The following ANAPC2 variants were observed in gnomAD, a reference collection of about 807,000 sequenced individuals.
The protein encoded by ANAPC2 is anaphase-promoting complex subunit 2.
ANAPC2 carries 29 observed loss-of-function variants against 84.3 expected under a neutral mutation model. That is an observed-to-expected ratio of 0.34 (90% CI 0.26 to 0.47). The LOEUF is 0.47. Ranked by LOEUF, ANAPC2 falls within the 20% of genes least tolerant of loss-of-function variation. The probability of loss-of-function intolerance (pLI) is 1.00; values close to 1 mark genes in which losing one functional copy is unlikely to be tolerated. For synonymous variants in ANAPC2, 571 were observed against 479.4 expected (o/e 1.19, Z -2.50); for missense variants, 857 against 1,131.7 (o/e 0.76, Z 3.48).
intron 10 of ANAPC2, among the ~76,000 whole-genome samples, chr9:137,177,627 G>A (rs993813572): frequency 6.6e-6 from 1 of 152,188 alleles, no homozygotes; most frequent in Admixed American, 6.5e-5. Context: ...GGGGACACTG[G>A]GGCTGTCACT....
intron 3 of ANAPC2, 103 bp downstream of exon 3, chr9:137,186,121 C>A (rs1040796692): frequency 6.6e-7 from 1 of 1,524,056 alleles, no homozygotes; most frequent in Non-Finnish European, 8.9e-7. Context: ...CTGGGCCCAC[C>A]CAGGCCTCCG....
intron 1 of ANAPC2, 78 bp from the exon 2 acceptor site, chr9:137,188,181 G>A (rs939203927): frequency 8.5e-6 from 13 of 1,525,020 alleles, no homozygotes; most frequent in South Asian, 2.5e-5. Flanking sequence ...GAAGCTGAGG[G>A]GGAGGCTGCA....
chr9:137,180,120 G>C, intron 10 of ANAPC2, 61 bp downstream of exon 10: 1 of 1,537,920 alleles, frequency 6.5e-7, no homozygotes, highest in South Asian at 1.2e-5. Context: ...AGGCTGCTGG[G>C]AGCCCCGCAG....
In ANAPC2 at chr9:137,174,820, G is replaced by A; in HGVS notation, c.*122C>T. 1 of 1,436,338 alleles carries A rather than the reference G, an allele frequency of 7.0e-7. No homozygotes were observed. Among genetic ancestry groups the A allele is most frequent in the Non-Finnish European group, 9.1e-7 (1 of 1,095,294 alleles). The allele number at this position is 1,436,338 out of a possible 1,614,324, so 89.0% of individuals were successfully genotyped here. A position where few individuals can be genotyped will look rare whatever the true frequency, so the allele number is the denominator to read the frequency against. ...TTGCTTTAATCTGCACACTGCGGGG[G>A]TGGGGGTGGGCATGCTCCTCAGCAG... On this transcript the variant is annotated 3_prime_UTR_variant, in exon 13 of 13. Coordinates refer to ENST00000323927, the MANE Select transcript of ANAPC2 (RefSeq NM_013366.4). This position sits in a 1 kb window ranked among gnomAD's most constrained non-coding sequence, Gnocchi z 6.1.
intron 10 of ANAPC2, 25 bp from the exon 11 acceptor site, chr9:137,175,862 G>A (rs1263271512): frequency 6.3e-7 from 1 of 1,583,200 alleles, no homozygotes. Context: ...GGTCAGCACG[G>A]GCAGCTCGGC....
chr9:137,186,575 G>A (rs1228259462), intron 2 of ANAPC2: 1 of 611,036 alleles, frequency 1.6e-6, no homozygotes, highest in Non-Finnish European at 2.7e-6. Context: ...AGGCTCTGCT[G>A]TCCCCGCCCA....
chr9:137,175,490 G>A lies in ANAPC2; in HGVS notation c.2021-18C>T, dbSNP rs761870914. On this transcript the variant is annotated intron_variant, in intron 11 of 12. Coordinates refer to ENST00000323927, the MANE Select transcript of ANAPC2 (RefSeq NM_013366.4). ...CCAGCTGGCTGCGTGCAGAGTCACC[G>A]GGACGCTGGGCAGCCTGGGCACGGG... The A allele has an allele frequency of 2.0e-5, 30 of 1,537,996 alleles. No individual in the cohort carries two copies. The highest frequency in any genetic ancestry group is 2.7e-5 in the African/African-American group (2 of 73,126).
intron 10 of ANAPC2, among the ~76,000 whole-genome samples, chr9:137,179,050 G>A (rs1425170285): frequency 6.6e-6 from 1 of 152,108 alleles, no homozygotes. Flanking sequence ...AGAAGCTGTG[G>A]ACCCTCCCTT....
chr9:137,182,237 G>T (rs1834358584), intron 6 of ANAPC2, among the ~76,000 whole-genome samples: 1 of 152,180 alleles, frequency 6.6e-6, no homozygotes, highest in Non-Finnish European at 1.5e-5. Flanking sequence ...AAAGGGCCGG[G>T]CACGGTGGCT....
chr9:137,178,755 C>T (rs1260428100), intron 10 of ANAPC2, among the ~76,000 whole-genome samples: 1 of 151,788 alleles, frequency 6.6e-6, no homozygotes, highest in Non-Finnish European at 1.5e-5. Flanking sequence ...CTGGACTCTT[C>T]CAGAGCCAAG....
intron 7 of ANAPC2, 72 bp downstream of exon 7, chr9:137,181,609 T>C (rs1834344962): frequency 7.1e-7 from 1 of 1,413,758 alleles, no homozygotes; most frequent in South Asian, 1.5e-5. Context: ...TGACAAGGGA[T>C]GAGTCCAGAG....
At chr9:137,187,068 TCA>T in intron 2 of ANAPC2, 1 of 196,772 alleles carries the variant, frequency 5.1e-6, no homozygotes, top group South Asian at 1.1e-4. Context: ...CTGCTTGCCC[TCA>T]CAGTGACCTG....
chr9:137,183,934 TCCC>T (rs1292201799), intron 4 of ANAPC2, 143 bp from the exon 5 acceptor site: 14 of 1,115,748 alleles, frequency 1.3e-5, no homozygotes, highest in South Asian at 3.0e-5. Context: ...GCACCAGACA[TCCC>T]CCCGACACTC....
At chr9:137,186,138 G>A in intron 3 of ANAPC2, 86 bp downstream of exon 3, 10 of 1,564,268 alleles carry the variant, frequency 6.4e-6, no homozygotes, top group South Asian at 3.5e-5. Context: ...TCCGTGCTCT[G>A]GATGCTTCTG....
intron 3 of ANAPC2, 96 bp from the exon 4 acceptor site, chr9:137,185,183 G>C (rs1051844227): frequency 1.3e-5 from 18 of 1,342,492 alleles, no homozygotes; most frequent in Non-Finnish European, 1.8e-5. Flanking sequence ...CCACCCTGTC[G>C]GCCGGGACCG....
chr9:137,182,725 G>A (rs1391771025), intron 6 of ANAPC2, among the ~76,000 whole-genome samples: 4 of 152,132 alleles, frequency 2.6e-5, no homozygotes, highest in South Asian at 2.1e-4. Context: ...ATTCTCCACC[G>A]AACAGCCCCA....
chr9:137,183,868 T>C, intron 4 of ANAPC2, 77 bp from the exon 5 acceptor site: 1 of 1,567,206 alleles, frequency 6.4e-7, no homozygotes, highest in Non-Finnish European at 8.7e-7. Context: ...GTGTGTGCGG[T>C]GTGGGAAAGG....
intron 10 of ANAPC2, 42 bp from the exon 11 acceptor site, chr9:137,175,879 G>A: frequency 1.3e-6 from 2 of 1,560,762 alleles, no homozygotes; most frequent in South Asian, 1.2e-5. Context: ...CGGCTGCAGG[G>A]CGCTCAGGCC....
intron 6 of ANAPC2, 98 bp from the exon 7 acceptor site, chr9:137,181,960 C>G: frequency 1.5e-6 from 2 of 1,324,926 alleles, no homozygotes; most frequent in South Asian, 1.4e-5. Context: ...CCAGCACCAC[C>G]GACCCTGCCT....
Sources: allele counts gnomAD v4.1 joint callset (sites outside exome capture counted in the v4.1 genomes callset), GRCh38; gene constraint gnomAD v4.1.1; non-coding constraint Gnocchi (gnomAD v3.1); transcripts MANE v1.5; gene names NCBI Gene and HGNC (gene_info 2026-07-23, HGNC 2026-07-21).